Variants in DNAJC6 observed in about 807,000 individuals in gnomAD.
DNAJC6 encodes auxilin.
Under a neutral mutation model 110.0 loss-of-function variants are expected in DNAJC6, and 34 were observed. The ratio of observed to expected loss-of-function variants is 0.31; its 90% CI spans 0.24 to 0.41. The LOEUF (loss-of-function observed/expected upper bound fraction) is 0.41, where lower values mean the gene tolerates loss of function less well. Ranked by LOEUF, DNAJC6 falls within the 10% of genes least tolerant of loss-of-function variation. The probability of loss-of-function intolerance (pLI) is 1.00; values close to 1 mark genes in which losing one functional copy is unlikely to be tolerated. For missense variants in DNAJC6, 1,031 were observed against 1,207.8 expected (o/e 0.85, Z 2.17); for synonymous variants, 406 against 437.2 (o/e 0.93, Z 0.89).
intron 1 of DNAJC6, among the ~76,000 whole-genome samples, chr1:65,272,045 CT>C (rs1386764168): frequency 1.3e-5 from 2 of 152,048 alleles, no homozygotes; most frequent in Non-Finnish European, 2.9e-5. Flanking sequence ...GATCCTTATA[CT>C]TTTTCCCCTT....
intron 1 of DNAJC6, among the ~76,000 whole-genome samples, chr1:65,275,271 A>C (rs1189915926): frequency 6.6e-6 from 1 of 152,198 alleles, no homozygotes; most frequent in Non-Finnish European, 1.5e-5. Flanking sequence ...TATATGCTAG[A>C]AACAAATATT....
chr1:65,406,344 T>C (rs1186786379), intron 16 of DNAJC6, among the ~76,000 whole-genome samples: 1 of 152,018 alleles, frequency 6.6e-6, no homozygotes, highest in East Asian at 1.9e-4. Context: ...CTAACTTTTA[T>C]ACCATTTTGT....
rs1222124932 is a variant in DNAJC6, at chr1:65,415,788, A to C, written c.*2763A>C. Reference sequence around the variant, plus strand: ...GCCGTGAATGAAACACAGTCTGTGTAGGGAATGAGCAAAAAAGTTGAATTC... The same window carrying C: ...GCCGTGAATGAAACACAGTCTGTGTCGGGAATGAGCAAAAAAGTTGAATTC... On this transcript the variant is annotated 3_prime_UTR_variant, in exon 19 of 19. Coordinates refer to ENST00000371069, the MANE Select transcript of DNAJC6 (RefSeq NM_001256864.2). The C allele has an allele frequency of 2.0e-5, 3 of 152,256 alleles. No individual in the cohort carries two copies. The highest frequency in any genetic ancestry group is 4.4e-5 in the Non-Finnish European group (3 of 68,040). 9.4% of individuals were successfully genotyped at this position (152,256 alleles called of 1,614,324 possible).
chr1:65,325,871 C>G (rs1005957640), intron 1 of DNAJC6, among the ~76,000 whole-genome samples: 2 of 152,190 alleles, frequency 1.3e-5, no homozygotes, highest in Admixed American at 6.5e-5. Context: ...TGTTACTGTA[C>G]TGAATACTGT....
intron 1 of DNAJC6, among the ~76,000 whole-genome samples, chr1:65,265,897 A>T (rs1377759045): frequency 6.6e-6 from 1 of 151,968 alleles, no homozygotes; most frequent in Non-Finnish European, 1.5e-5. Flanking sequence ...TGCTTCCGGA[A>T]CGCTAATTTT....
At chr1:65,288,259 T>C (rs1308474387) in intron 1 of DNAJC6, among the ~76,000 whole-genome samples, 1 of 152,244 alleles carries the variant, frequency 6.6e-6, no homozygotes, top group Non-Finnish European at 1.5e-5. Flanking sequence ...TTTAGCTTAA[T>C]TCATTCTGTT....
intron 5 of DNAJC6, 171 bp downstream of exon 5, chr1:65,379,695 G>T: frequency 3.0e-6 from 3 of 1,003,074 alleles, no homozygotes; most frequent in Non-Finnish European, 2.9e-6. Context: ...TATTATTCTT[G>T]ACTTAAAGCT....
intron 1 of DNAJC6, among the ~76,000 whole-genome samples, chr1:65,323,678 C>T (rs954257629): frequency 3.9e-5 from 6 of 152,256 alleles, no homozygotes; most frequent in Middle Eastern, 3.4e-3. Context: ...CCCCTGCAAC[C>T]TTCACCTCCT....
At chr1:65,391,702 A>G (rs1645928347) in intron 11 of DNAJC6, among the ~76,000 whole-genome samples, 3 of 152,002 alleles carry the variant, frequency 2.0e-5, no homozygotes, top group African/African-American at 4.8e-5. Context: ...AAAAATCAAC[A>G]CTTAGGTACT....
At chr1:65,383,388 G>A (rs539091992) in intron 5 of DNAJC6, among the ~76,000 whole-genome samples, 1 of 152,248 alleles carries the variant, frequency 6.6e-6, no homozygotes, top group African/African-American at 2.4e-5. Context: ...GACCTCCTGA[G>A]CTTAGGCAAT....
intron 18 of DNAJC6, among the ~76,000 whole-genome samples, chr1:65,411,725 T>C (rs954978175): frequency 8.4e-6 from 1 of 118,590 alleles, no homozygotes; most frequent in Non-Finnish European, 1.7e-5. Flanking sequence ...TCCCAGCACT[T>C]TGGGGGGGGC....
chr1:65,364,375 A>C (rs1645625248), intron 1 of DNAJC6, among the ~76,000 whole-genome samples: 1 of 152,038 alleles, frequency 6.6e-6, no homozygotes, highest in Admixed American at 6.6e-5. Flanking sequence ...CAATTGTTAC[A>C]CATGGCTAGT....
intron 1 of DNAJC6, among the ~76,000 whole-genome samples, chr1:65,363,113 C>T (rs1010754256): frequency 1.3e-5 from 2 of 152,098 alleles, no homozygotes; most frequent in African/African-American, 4.8e-5. Context: ...CATTTTAAAA[C>T]CTTCAGATCT....
rs10889548 is a variant in DNAJC6, at chr1:65,398,537, G to T, written c.2039-276G>T. On this transcript the variant is annotated intron_variant, in intron 13 of 18. Coordinates refer to ENST00000371069, the MANE Select transcript of DNAJC6 (RefSeq NM_001256864.2). ...CACATGCTCAATGATAACTCAAAGC[G>T]TGTGGATATGGAGGTAAAACCAAAG... Among the ~76,000 whole-genome samples, 27,318 of 152,120 alleles carry T rather than the reference G, an allele frequency of 0.18. 5,460 individuals carry two copies. The highest frequency in any genetic ancestry group is 0.58 in the East Asian group (2,987 of 5,174).
At chr1:65,371,820 C>T (rs373627721) in intron 4 of DNAJC6, among the ~76,000 whole-genome samples, 17 of 152,114 alleles carry the variant, frequency 1.1e-4, no homozygotes, top group African/African-American at 3.4e-4. Context: ...GACAGCATTG[C>T]GAAGTGTCAG....
intron 13 of DNAJC6, among the ~76,000 whole-genome samples, chr1:65,398,558 CA>C (rs1283513008): frequency 6.6e-6 from 1 of 152,148 alleles, no homozygotes; most frequent in Non-Finnish European, 1.5e-5. Flanking sequence ...GAGGTAAAAC[CA>C]AAGTGAGACA....
At chr1:65,288,286 T>G (rs559143736) in intron 1 of DNAJC6, among the ~76,000 whole-genome samples, 20 of 152,350 alleles carry the variant, frequency 1.3e-4, no homozygotes, top group African/African-American at 4.6e-4. Flanking sequence ...TTCTAAAATT[T>G]GTTGCTGTTT....
intron 1 of DNAJC6, among the ~76,000 whole-genome samples, chr1:65,362,908 A>G (rs956747801): frequency 1.2e-4 from 18 of 152,212 alleles, no homozygotes; most frequent in Admixed American, 1.2e-3. Flanking sequence ...TTACTGTATT[A>G]GTCTGTTTTC....
At chr1:65,317,612 A>G (rs1482546033) in intron 1 of DNAJC6, among the ~76,000 whole-genome samples, 1 of 152,206 alleles carries the variant, frequency 6.6e-6, no homozygotes, top group East Asian at 1.9e-4. Flanking sequence ...CCTCCTGTGC[A>G]GTGTTAAGTT....
Sources: gnomAD v4.1 joint callset for allele counts (sites outside exome capture counted in the v4.1 genomes callset) on GRCh38, gnomAD v4.1.1 for gene constraint, MANE v1.5 for transcripts, NCBI Gene and HGNC (gene_info 2026-07-23, HGNC 2026-07-21) for gene names.